BIRC6: variants seen among roughly 807,000 people sequenced by gnomAD.
BIRC6 encodes dual E2 ubiquitin-conjugating enzyme/E3 ubiquitin-protein ligase BIRC6.
Under a neutral mutation model 503.3 loss-of-function variants are expected in BIRC6, and 98 were observed. The observed-to-expected ratio is 0.19, with a 90% CI of 0.17 to 0.23. The LOEUF (loss-of-function observed/expected upper bound fraction) is 0.23, where lower values mean the gene tolerates loss of function less well. Among genes scored for constraint, BIRC6 ranks in the 10% least tolerant of loss-of-function variants. The pLI, the probability that BIRC6 is intolerant of heterozygous loss-of-function variation, is 1.00. For missense variants in BIRC6, 5,360 were observed against 5,806.0 expected, an observed-to-expected ratio of 0.92 and a Z score of 2.50; for synonymous variants, 2,240 against 2,078.7, an observed-to-expected ratio of 1.08 and a Z score of -2.11.
At chr2:32,407,315 G>A (rs2041332785) in intron 9 of BIRC6, among the ~76,000 whole-genome samples, 1 of 151,996 alleles carries the variant, frequency 6.6e-6, no homozygotes, top group East Asian at 1.9e-4. Flanking sequence ...AGGCGTGGTG[G>A]CGCATGCCTA....
chr2:32,617,598 T>A (rs992243732), intron 73 of BIRC6, 127 bp from the exon 74 acceptor site: 1 of 976,108 alleles, frequency 1.0e-6, no homozygotes, highest in African/African-American at 1.6e-5. Flanking sequence ...GTAGCTTGCA[T>A]AAGGAGGGGC....
intron 66 of BIRC6, among the ~76,000 whole-genome samples, chr2:32,584,441 G>C (rs2060893766): frequency 6.6e-6 from 1 of 152,146 alleles, no homozygotes; most frequent in Non-Finnish European, 1.5e-5. Flanking sequence ...GCTGAGGCAA[G>C]AGAATCGCTT....
intron 63 of BIRC6, among the ~76,000 whole-genome samples, chr2:32,546,888 G>C (rs2058089185): frequency 6.6e-6 from 1 of 152,054 alleles, no homozygotes; most frequent in African/African-American, 2.4e-5. Flanking sequence ...ACACCACCCT[G>C]GCCAGCATAG....
chr2:32,397,180 G>A (rs2039993328), intron 6 of BIRC6, among the ~76,000 whole-genome samples: 1 of 152,048 alleles, frequency 6.6e-6, no homozygotes, highest in Non-Finnish European at 1.5e-5. Context: ...CATAGAGAGT[G>A]AAGCTGTGGG....
intron 65 of BIRC6, among the ~76,000 whole-genome samples, chr2:32,556,030 A>G (rs2058755092): frequency 6.6e-6 from 1 of 152,182 alleles, no homozygotes; most frequent in Non-Finnish European, 1.5e-5. Flanking sequence ...GAGCAGTACC[A>G]ATAAAAATTA....
chr2:32,440,825 T>C (rs539574394), intron 16 of BIRC6, among the ~76,000 whole-genome samples: 1 of 151,708 alleles, frequency 6.6e-6, no homozygotes, highest in East Asian at 1.9e-4. Context: ...TGCAGTGATG[T>C]GATCTCAGCT....
chr2:32,461,343 A>AGTGT (rs373274536), intron 23 of BIRC6, among the ~76,000 whole-genome samples: 17,796 of 131,948 alleles, frequency 0.13, 1,313 homozygotes, highest in Admixed American at 0.22. Context: ...ATGCCTGGCT[A>AGTGT]GTGTGTGTGT....
chr2:32,407,719 C>A lies in BIRC6; in HGVS notation c.1477+1162C>A, dbSNP rs181742174. Reference sequence around the variant, plus strand: ...TTTTTTTGAAAGGCACTAAATGGAACACTGGACAATTTTGGGTTAATCTTT... The same window carrying A: ...TTTTTTTGAAAGGCACTAAATGGAAAACTGGACAATTTTGGGTTAATCTTT... On this transcript the variant is annotated intron_variant, in intron 9 of 73. Transcript: ENST00000421745. Among the ~76,000 whole-genome samples, 40 of 152,136 alleles carry A rather than the reference C, an allele frequency of 2.6e-4. 1 individual carries two copies. The East Asian group carries it at 4.6e-3, about 18-fold the overall frequency.
chr2:32,458,932 T>C, intron 23 of BIRC6, among the ~76,000 whole-genome samples: 1 of 152,016 alleles, frequency 6.6e-6, no homozygotes, highest in East Asian at 1.9e-4. Context: ...TCAAGTGATT[T>C]GCCTGCCTCG....
chr2:32,562,869 T>C (rs924435772), intron 65 of BIRC6, among the ~76,000 whole-genome samples: 2 of 152,240 alleles, frequency 1.3e-5, no homozygotes, highest in Non-Finnish European at 2.9e-5. Flanking sequence ...CTTCCTTTTT[T>C]TGGCATTTAT....
intron 45 of BIRC6, among the ~76,000 whole-genome samples, chr2:32,497,133 G>A (rs1309120883): frequency 6.6e-6 from 1 of 152,164 alleles, no homozygotes; most frequent in Non-Finnish European, 1.5e-5. Context: ...CTGTTGAAAT[G>A]AACATAGATT....
intron 23 of BIRC6, 111 bp downstream of exon 23, chr2:32,454,053 T>G (rs1437184289): frequency 3.1e-5 from 30 of 962,214 alleles, no homozygotes; most frequent in Non-Finnish European, 4.2e-5. Context: ...TGCTGTTAAG[T>G]GGAAATTTAT....
chr2:32,574,764 T>C (rs966877748), intron 65 of BIRC6: 9 of 269,878 alleles, frequency 3.3e-5, no homozygotes, highest in Non-Finnish European at 6.5e-5. Context: ...TGTAATTTTT[T>C]TGAGACGGAG....
At position 32,468,512 on chromosome 2, in the gene BIRC6, T is replaced by C. The variant is rs1248381021; in HGVS notation, c.5856T>C (p.Asn1952=). The C allele has an allele frequency of 6.2e-7, 1 of 1,613,960 alleles. No individual in the cohort carries two copies. The highest frequency in any genetic ancestry group is 8.5e-7 in the Non-Finnish European group (1 of 1,179,860). The change falls in exon 29 of 74, where the codon AAT becomes AAC. Residue 1952 remains asparagine (N), a synonymous_variant. Transcript: ENST00000421745. The part of the protein sequence containing the change: ...IDLPPLNSAN[N]AQYFLRKPDK... The stretch of plus-strand genomic sequence containing the variant: ...TTCCTCCTCTAAACAGTGCTAACAA[T>C]GCACAGTACTTTTTACGAAAACCAG...
rs35410265 is a variant in BIRC6 at position 32,521,365 on chromosome 2, CAAAAAAA to C, written c.11623+2441_11623+2447del. 7.9e-3 allele frequency among the ~76,000 whole-genome samples: 169 copies of C among 21,500 alleles called. 1 individual carries two copies. The highest frequency in any genetic ancestry group is 0.011 in the East Asian group (5 of 456). 14.1% of individuals were successfully genotyped at this position (21,500 alleles called of 152,430 possible). A position where few individuals can be genotyped will look rare whatever the true frequency, so the allele number is the denominator to read the frequency against. On this transcript the variant is annotated intron_variant, in intron 57 of 73. Coordinates refer to ENST00000421745, the MANE Select transcript of BIRC6 (RefSeq NM_016252.4). ...TGGGCAACATAGCAAGACCTCATCT[CAAAAAAA>C]AAAAAAAAAAAAAAAAAAAAAGCAA... is the stretch of plus-strand genomic sequence containing the variant.
intron 56 of BIRC6, 72 bp from the exon 57 acceptor site, chr2:32,518,745 T>C (rs752850886): frequency 6.7e-7 from 1 of 1,489,964 alleles, no homozygotes; most frequent in Non-Finnish European, 9.2e-7. Flanking sequence ...CTTAGATGCT[T>C]TTGAGATTAT....
intron 23 of BIRC6, among the ~76,000 whole-genome samples, chr2:32,462,728 A>C (rs1015970331): frequency 2.0e-5 from 3 of 152,252 alleles, no homozygotes; most frequent in Non-Finnish European, 4.4e-5. Flanking sequence ...GGCCAAGGCT[A>C]GTGGATCACT....
At chr2:32,497,551 C>A (rs1209012594) in intron 45 of BIRC6, among the ~76,000 whole-genome samples, 1 of 152,142 alleles carries the variant, frequency 6.6e-6, no homozygotes, top group Non-Finnish European at 1.5e-5. Flanking sequence ...TTGGACTATT[C>A]AGGTTTTCTC....
chr2:32,377,653 G>C lies in BIRC6; in HGVS notation c.391G>C (p.Asp131His). The C allele has an allele frequency of 1.2e-6, 2 of 1,613,432 alleles. No homozygotes were observed. The highest frequency in any genetic ancestry group is 1.7e-6 in the Non-Finnish European group (2 of 1,179,576). Residue 131 changes from aspartate (D) to histidine (H), a missense_variant, in exon 2 of 74, where the codon GAT becomes CAT. Asp to His is a moderately conservative substitution (Grantham distance 81, BLOSUM62 -1). Transcript: ENST00000421745. ...SAVDKVIFVD[D>H]YAVGCRKDLN... ...TGTGGATAAAGTTATATTTGTGGAT[G>C]ATTATGCAGTAGGGTGTAGGAAGGA...
Sources: allele counts gnomAD v4.1 joint callset (sites outside exome capture counted in the v4.1 genomes callset), GRCh38; gene constraint gnomAD v4.1.1; transcripts MANE v1.5; gene names NCBI Gene and HGNC (gene_info 2026-07-23, HGNC 2026-07-21).